The following KAT2B variants were observed in gnomAD, a reference collection of about 807,000 sequenced individuals.
KAT2B encodes the protein lysine acetyltransferase 2B.
KAT2B carries 36 observed loss-of-function variants against 105.9 expected under a neutral mutation model. The observed-to-expected ratio is 0.34, with a 90% CI of 0.26 to 0.45. KAT2B has a LOEUF of 0.45. Among genes scored for constraint, KAT2B ranks in the 20% least tolerant of loss-of-function variants. The probability of loss-of-function intolerance (pLI) is 1.00; values close to 1 mark genes in which losing one functional copy is unlikely to be tolerated. For missense variants in KAT2B, 820 were observed against 1,021.6 expected, an observed-to-expected ratio of 0.80 and a Z score of 2.69; for synonymous variants, 397 against 377.9, an observed-to-expected ratio of 1.05 and a Z score of -0.59.
intron 8 of KAT2B, 61 bp from the exon 9 acceptor site, chr3:20,122,607 T>G: frequency 2.3e-6 from 3 of 1,306,318 alleles, no homozygotes; most frequent in Non-Finnish European, 3.3e-6. Flanking sequence ...TTAGTTGGCG[T>G]GTATTATTTG....
chr3:20,073,585 T>A (rs1359683624), intron 2 of KAT2B, among the ~76,000 whole-genome samples: 1 of 152,222 alleles, frequency 6.6e-6, no homozygotes, highest in Non-Finnish European at 1.5e-5. Flanking sequence ...AGCAACACAC[T>A]AATAATTTCA....
chr3:20,129,823 T>C (rs1699477176), intron 11 of KAT2B, among the ~76,000 whole-genome samples: 2 of 152,170 alleles, frequency 1.3e-5, no homozygotes, highest in South Asian at 4.1e-4. Context: ...GTTGACTCCT[T>C]CAGCTTCAAA....
intron 2 of KAT2B, among the ~76,000 whole-genome samples, chr3:20,093,487 A>G (rs4419399): frequency 0.62 from 93,687 of 151,898 alleles, 29,591 homozygotes; most frequent in African/African-American, 0.76. Context: ...TTGGAAACCA[A>G]GAGTTGTGGT....
intron 5 of KAT2B, among the ~76,000 whole-genome samples, chr3:20,103,869 G>A (rs1698953017): frequency 6.6e-6 from 1 of 152,136 alleles, no homozygotes; most frequent in Non-Finnish European, 1.5e-5. Context: ...TTTTACATGA[G>A]CTTTAGACCA....
intron 2 of KAT2B, among the ~76,000 whole-genome samples, chr3:20,078,845 C>T (rs150623078): frequency 2.7e-4 from 41 of 149,756 alleles, no homozygotes; most frequent in Middle Eastern, 3.4e-3. Flanking sequence ...CCTCACCCTA[C>T]AACCAGAATT....
intron 1 of KAT2B, among the ~76,000 whole-genome samples, chr3:20,071,058 A>T (rs946083864): frequency 2.0e-5 from 3 of 152,194 alleles, no homozygotes; most frequent in African/African-American, 7.2e-5. Flanking sequence ...CAAAAGTAAA[A>T]ATAAGTCAAT....
intron 13 of KAT2B, among the ~76,000 whole-genome samples, chr3:20,145,554 GTTTTT>G (rs550166293): frequency 0.05 from 4,634 of 92,328 alleles, 30 homozygotes; most frequent in South Asian, 0.096. Flanking sequence ...GATTTTTTTA[GTTTTT>G]TTTTTTTTTT....
chr3:20,072,816 C>G (rs1386498478), intron 2 of KAT2B, among the ~76,000 whole-genome samples: 2 of 152,152 alleles, frequency 1.3e-5, no homozygotes, highest in East Asian at 3.9e-4. Flanking sequence ...GTTGAAACCT[C>G]AACCAACTGG....
intron 2 of KAT2B, among the ~76,000 whole-genome samples, chr3:20,092,883 G>A (rs1196916375): frequency 2.6e-5 from 4 of 151,984 alleles, no homozygotes; most frequent in Non-Finnish European, 5.9e-5. Context: ...TGTATTTTTA[G>A]TAGAGATGGG....
chr3:20,048,209 C>T (rs1327963131), intron 1 of KAT2B, among the ~76,000 whole-genome samples: 1 of 152,082 alleles, frequency 6.6e-6, no homozygotes, highest in East Asian at 1.9e-4. Flanking sequence ...ATACAAAAAG[C>T]CTGAGAGAAA....
At chr3:20,110,494 A>G (rs915293132) in intron 5 of KAT2B, among the ~76,000 whole-genome samples, 1 of 151,824 alleles carries the variant, frequency 6.6e-6, no homozygotes, top group African/African-American at 2.4e-5. Flanking sequence ...AACATAGTGA[A>G]ACCCCGTCTT....
intron 5 of KAT2B, among the ~76,000 whole-genome samples, chr3:20,102,472 AATATC>A (rs1295084989): frequency 6.6e-6 from 1 of 152,196 alleles, no homozygotes; most frequent in Non-Finnish European, 1.5e-5. Context: ...CTCTTCACTT[AATATC>A]ATATCAAACA....
At chr3:20,119,545 A>G (rs1281307572) in intron 7 of KAT2B, 53 bp from the exon 8 acceptor site, 2 of 1,604,608 alleles carry the variant, frequency 1.2e-6, no homozygotes, top group African/African-American at 2.7e-5. Flanking sequence ...GTTTCTTGTT[A>G]CCTAAGAAAG....
At chr3:20,137,986 T>G (rs1254064638) in intron 12 of KAT2B, among the ~76,000 whole-genome samples, 1 of 152,216 alleles carries the variant, frequency 6.6e-6, no homozygotes, top group Non-Finnish European at 1.5e-5. Flanking sequence ...TTTAAATAAG[T>G]CTTAAAATAA....
At chr3:20,128,999 C>T (rs142667513) in intron 11 of KAT2B, among the ~76,000 whole-genome samples, 4,095 of 128,270 alleles carry the variant, frequency 0.032, 196 homozygotes, top group East Asian at 0.22. Context: ...GAGAGCGAAA[C>T]TCCATCTCAA....
chr3:20,063,224 T>C (rs1387831417), intron 1 of KAT2B, among the ~76,000 whole-genome samples: 2 of 152,006 alleles, frequency 1.3e-5, no homozygotes, highest in Non-Finnish European at 2.9e-5. Flanking sequence ...TGCACCACTA[T>C]GTCCAGCTAA....
At chr3:20,108,921 G>T (rs1699070996) in intron 5 of KAT2B, among the ~76,000 whole-genome samples, 1 of 152,066 alleles carries the variant, frequency 6.6e-6, no homozygotes, top group South Asian at 2.1e-4. Context: ...GTTTCATCTG[G>T]AAACCATCCC....
At chr3:20,117,797 C>G (rs1361674222) in intron 7 of KAT2B, among the ~76,000 whole-genome samples, 3 of 152,160 alleles carry the variant, frequency 2.0e-5, no homozygotes, top group Non-Finnish European at 4.4e-5. Flanking sequence ...TACCCCTTGT[C>G]ACCTCTCACC....
At chr3:20,040,855 TTCCACCTCCGCC>T in intron 1 of KAT2B, 75 bp downstream of exon 1, 10 of 1,430,294 alleles carry the variant, frequency 7.0e-6, no homozygotes, top group Non-Finnish European at 9.2e-6. Context: ...CCCCTCCCGC[TTCCACCTCCGCC>T]TCCCGCCTCC....
Sources: allele counts gnomAD v4.1 joint callset (sites outside exome capture counted in the v4.1 genomes callset), GRCh38; gene constraint gnomAD v4.1.1; transcripts MANE v1.5; gene names NCBI Gene and HGNC (gene_info 2026-07-23, HGNC 2026-07-21).